Variants in FHIT observed in about 807,000 individuals in gnomAD.
FHIT encodes fragile histidine triad diadenosine triphosphatase.
In FHIT, 19 loss-of-function variants were observed where a neutral mutation model predicts 17.9. That is an observed-to-expected ratio of 1.06 (90% CI 0.74 to 1.56). The LOEUF (loss-of-function observed/expected upper bound fraction) is 1.56. Among genes scored for constraint, FHIT ranks in the 40% most tolerant of loss-of-function variants. FHIT has a pLI of 0.00. For synonymous variants in FHIT, 81 were observed against 69.7 expected (o/e 1.16, Z -0.81); for missense variants, 248 against 189.2 (o/e 1.31, Z -1.82).
chr3:60,519,618 GAA>G (rs1203018088), intron 5 of FHIT, among the ~76,000 whole-genome samples: 3 of 152,062 alleles, frequency 2.0e-5, no homozygotes, highest in African/African-American at 7.3e-5. Flanking sequence ...ATAAGGAAGA[GAA>G]AAGACATTTA....
At chr3:60,901,298 T>A (rs1553763124) in intron 3 of FHIT, among the ~76,000 whole-genome samples, 1 of 152,200 alleles carries the variant, frequency 6.6e-6, no homozygotes, top group Non-Finnish European at 1.5e-5. Flanking sequence ...GATCACTAAG[T>A]ATGTTGACAT....
chr3:59,858,287 A>C (rs1424406772), intron 8 of FHIT, among the ~76,000 whole-genome samples: 10 of 116,106 alleles, frequency 8.6e-5, no homozygotes, highest in African/African-American at 3.4e-4. Context: ...AGTGCAGTGG[A>C]GCGATCTCGG....
rs559107853 is a variant in FHIT at position 60,696,089 on chromosome 3, A to G, written c.-18+125830T>C. ...TTTCAAGCAAGATTTTCTTTGAGTA[A>G]AGGGTAATGCTGCTTTAAAAGAAGA... On this transcript the variant is annotated intron_variant, in intron 4 of 9. Transcript: ENST00000492590. Among the ~76,000 whole-genome samples, 40 of 152,222 alleles carry G rather than the reference A, an allele frequency of 2.6e-4. No individual in the cohort carries two copies. The East Asian group carries it at 5.6e-3, about 21-fold the overall frequency.
intron 5 of FHIT, among the ~76,000 whole-genome samples, chr3:60,376,647 T>C (rs1559865391): frequency 6.6e-6 from 1 of 152,208 alleles, no homozygotes; most frequent in African/African-American, 2.4e-5. Context: ...ATGAAAAAGT[T>C]GACACAAAGA....
rs184317122 is a variant in FHIT, at chr3:61,174,679, A to G, written c.-164+25938T>C. Among the ~76,000 whole-genome samples the G allele has an allele frequency of 2.0e-5, 3 of 152,264 alleles. No homozygotes were observed. The East Asian group carries it at 5.8e-4, about 29-fold the overall frequency. ...CTTCAATTGTTGTTAAGACACTAGT[A>G]TATCTTTAAATCTTTTCCACTTATT... is the stretch of plus-strand genomic sequence containing the variant. On this transcript the variant is annotated intron_variant, in intron 2 of 9. Transcript: ENST00000492590.
At chr3:60,267,519 A>G (rs1323917550) in intron 5 of FHIT, among the ~76,000 whole-genome samples, 1 of 152,118 alleles carries the variant, frequency 6.6e-6, no homozygotes, top group African/African-American at 2.4e-5. Context: ...TTTGTTCTCA[A>G]ATAAGCAAAA....
At chr3:60,537,499 T>A in intron 4 of FHIT, 1 of 977,188 alleles carries the variant, frequency 1.0e-6, no homozygotes, top group Non-Finnish European at 1.2e-6. Context: ...TCCAGAGAAC[T>A]ATTCTAGTAA....
chr3:60,836,532 T>C (rs1362903081), intron 3 of FHIT, among the ~76,000 whole-genome samples: 4 of 152,162 alleles, frequency 2.6e-5, no homozygotes, highest in Non-Finnish European at 5.9e-5. Flanking sequence ...GCCCATTTCA[T>C]CTAAGTTATC....
chr3:61,126,691 A>T (rs535260983), intron 2 of FHIT, among the ~76,000 whole-genome samples: 1 of 152,208 alleles, frequency 6.6e-6, no homozygotes, highest in South Asian at 2.1e-4. Flanking sequence ...CAACAATAAA[A>T]CAAAATAAAC....
chr3:60,490,984 A>G (rs547037377), intron 5 of FHIT, among the ~76,000 whole-genome samples: 1 of 152,314 alleles, frequency 6.6e-6, no homozygotes, highest in Non-Finnish European at 1.5e-5. Context: ...TAATTGCAAA[A>G]TAAAAGTATG....
At chr3:60,964,333 G>C (rs1254049239) in intron 3 of FHIT, among the ~76,000 whole-genome samples, 2 of 151,872 alleles carry the variant, frequency 1.3e-5, no homozygotes, top group Non-Finnish European at 2.9e-5. Context: ...TGTCTCTGCA[G>C]GTGAGATGGG....
At chr3:59,979,538 A>T (rs1333600054) in intron 7 of FHIT, among the ~76,000 whole-genome samples, 1 of 151,964 alleles carries the variant, frequency 6.6e-6, no homozygotes. Context: ...CCTTGGGGAC[A>T]TTTTTTTTCC....
At chr3:61,088,942 T>G (rs369014496) in intron 2 of FHIT, among the ~76,000 whole-genome samples, 2 of 152,062 alleles carry the variant, frequency 1.3e-5, no homozygotes, top group African/African-American at 4.8e-5. Context: ...GTCATGGACA[T>G]TGGGGAATAT....
chr3:59,809,597 C>T (rs1377061388), intron 8 of FHIT, among the ~76,000 whole-genome samples: 2 of 152,086 alleles, frequency 1.3e-5, no homozygotes, highest in African/African-American at 2.4e-5. Flanking sequence ...TTAGTTCTCA[C>T]AAAAAAATCT....
At chr3:60,156,619 G>C (rs1003616653) in intron 5 of FHIT, among the ~76,000 whole-genome samples, 3 of 151,534 alleles carry the variant, frequency 2.0e-5, no homozygotes, top group African/African-American at 7.3e-5. Context: ...GGCCATAATG[G>C]TGAGCACCTG....
At chr3:60,326,088 C>A (rs895926644) in intron 5 of FHIT, among the ~76,000 whole-genome samples, 6 of 151,974 alleles carry the variant, frequency 3.9e-5, no homozygotes, top group Non-Finnish European at 5.9e-5. Flanking sequence ...AGTCCCCAAC[C>A]TTTCTGGTAC....
At chr3:60,364,222 T>A (rs1251956698) in intron 5 of FHIT, among the ~76,000 whole-genome samples, 1 of 152,220 alleles carries the variant, frequency 6.6e-6, no homozygotes, top group East Asian at 1.9e-4. Flanking sequence ...ATTCCATGCT[T>A]TTCTACACCT....
At chr3:60,065,956 G>C (rs1011324456) in intron 5 of FHIT, among the ~76,000 whole-genome samples, 6 of 152,150 alleles carry the variant, frequency 3.9e-5, no homozygotes, top group Non-Finnish European at 8.8e-5. Context: ...CAAATAGGCA[G>C]ATTAAAACAA....
intron 4 of FHIT, among the ~76,000 whole-genome samples, chr3:60,725,896 C>A (rs1305213604): frequency 6.6e-6 from 1 of 152,072 alleles, no homozygotes; most frequent in Non-Finnish European, 1.5e-5. Flanking sequence ...GAATCATTAT[C>A]TTCATTTTAC....
Sources: gnomAD v4.1 joint callset for allele counts (sites outside exome capture counted in the v4.1 genomes callset) on GRCh38, gnomAD v4.1.1 for gene constraint, MANE v1.5 for transcripts, NCBI Gene and HGNC (gene_info 2026-07-23, HGNC 2026-07-21) for gene names.